Variants in G6PC3 observed in about 807,000 individuals in gnomAD.
The protein encoded by G6PC3 is glucose-6-phosphatase 3.
Under a neutral mutation model 38.6 loss-of-function variants are expected in G6PC3, and 30 were observed. That is an observed-to-expected ratio of 0.78 (90% CI 0.58 to 1.05). G6PC3 has a LOEUF of 1.05. G6PC3 is among the 50% of genes least tolerant of loss of function. The pLI is 0.00. For synonymous variants in G6PC3, 192 were observed against 178.1 expected, an observed-to-expected ratio of 1.08 and a Z score of -0.62; for missense variants, 377 against 443.1, an observed-to-expected ratio of 0.85 and a Z score of 1.34.
Position 44,076,064 on chromosome 17 carries a change from C to T in G6PC3, c.*21C>T, listed in dbSNP as rs1254126959. The T allele has an allele frequency of 1.9e-6, 3 of 1,611,016 alleles. No individual in the cohort carries two copies. Among genetic ancestry groups the T allele is most frequent in the African/African-American group, 1.3e-5 (1 of 75,064 alleles). ...CCTGACTTCTTGTGTGCCTCCCTTT[C>T]CTTTCCCTCCCACAAAGCCAACACT... On this transcript the variant is annotated 3_prime_UTR_variant, in exon 6 of 6. Transcript: ENST00000269097.
At chr17:44,070,678 T>C, upstream of G6PC3, 2 of 449,806 alleles carry the variant, frequency 4.4e-6, no homozygotes, top group South Asian at 2.1e-5. Context: ...CCTGCAACAG[T>C]GGCCACGTGG....
intron 1 of G6PC3, chr17:44,071,422 G>A: frequency 1.5e-6 from 1 of 687,596 alleles, no homozygotes; most frequent in Non-Finnish European, 2.4e-6. Flanking sequence ...TCACCTAAGG[G>A]GCGTGTCTAA....
Position 44,071,273 on chromosome 17 carries a change from C to G in G6PC3, c.218+90C>G, listed in dbSNP as rs1020804767. The G allele has an allele frequency of 5.2e-6, 8 of 1,542,586 alleles. No individual in the cohort carries two copies. In the South Asian group the frequency reaches 8.3e-5, roughly 16 times the overall value. On this transcript the variant is annotated intron_variant, in intron 1 of 5. Coordinates refer to ENST00000269097, the MANE Select transcript of G6PC3 (RefSeq NM_138387.4). The stretch of plus-strand genomic sequence containing the variant: ...CCCTGGTCTCTTTCAGCAACTGTCT[C>G]AAGGGCCTTCCCACCCCTACTCTGT...
Position 44,070,869 on chromosome 17 carries a change from G to C in G6PC3, c.-97G>C. ...GGGGCGGGGCCTGGGGCTCAGAGGG[G>C]TGGGCTTTGGAGATCAGAGGGTCGA... On this transcript the variant is annotated 5_prime_UTR_variant, in exon 1 of 6. Coordinates refer to ENST00000269097, the MANE Select transcript of G6PC3 (RefSeq NM_138387.4). The C allele has an allele frequency of 7.1e-7, 1 of 1,400,428 alleles. No individual in the cohort carries two copies. Among genetic ancestry groups the C allele is most frequent in the Non-Finnish European group, 9.8e-7 (1 of 1,024,894 alleles). 86.8% of individuals were successfully genotyped at this position (1,400,428 alleles called of 1,614,324 possible).
chr17:44,075,588 G>C (rs948457980), intron 5 of G6PC3, 92 bp from the exon 6 acceptor site: 5 of 1,601,918 alleles, frequency 3.1e-6, no homozygotes, highest in East Asian at 4.5e-5. Flanking sequence ...GCACAAAACA[G>C]AACATGGGAG....
In G6PC3 at chr17:44,074,274, G is replaced by A. The variant is rs1332204128; in HGVS notation, c.325+8G>A. 11 of 1,586,816 alleles carry A rather than the reference G, an allele frequency of 6.9e-6. No homozygotes were observed. Among genetic ancestry groups the A allele is most frequent in the Non-Finnish European group, 9.5e-6 (11 of 1,155,170 alleles). ...CTTGTGAGACTGGTCCAGGTGGGAA[G>A]CCTCAAACATTCTCCCTTTCCCAAT... On this transcript the variant is annotated splice_region_variant and intron_variant, in intron 2 of 5. Transcript: ENST00000269097.
At chr17:44,074,109 C>G (rs374812780) in intron 1 of G6PC3, 51 bp from the exon 2 acceptor site, 42 of 1,297,838 alleles carry the variant, frequency 3.2e-5, no homozygotes, top group African/African-American at 1.2e-4. Context: ...CTTGTACCCC[C>G]CCTGGCTGTG....
In G6PC3 at chr17:44,071,194, G is replaced by A; in HGVS notation, c.218+11G>A. 6.2e-7 allele frequency: 1 copy of A among 1,610,928 alleles called. No individual in the cohort carries two copies. Among genetic ancestry groups the A allele is most frequent in the Non-Finnish European group, 8.5e-7 (1 of 1,179,242 alleles). On this transcript the variant is annotated intron_variant, in intron 1 of 5. Coordinates refer to ENST00000269097, the MANE Select transcript of G6PC3 (RefSeq NM_138387.4). ...CCTCATCTTCAAGTGGTGAGACAGA[G>A]AAGCCCTCCGGCATCCTGGTCCCCA...
chr17:44,075,402 A>T lies in G6PC3; in HGVS notation c.628A>T (p.Thr210Ser), dbSNP rs751564919. 5 of 1,614,098 alleles carry T rather than the reference A, an allele frequency of 3.1e-6. No individual in the cohort carries two copies. In the South Asian group the frequency reaches 5.5e-5, roughly 18 times the overall value. The change falls in exon 5 of 6, where the codon ACC becomes TCC. Residue 210 changes from threonine to serine, a missense_variant. Physicochemically the swap from Thr to Ser is moderately conservative, Grantham distance 58. Coordinates refer to ENST00000269097, the MANE Select transcript of G6PC3 (RefSeq NM_138387.4). ...GLTALALMLG[T>S]SLIYWTLFTL... is the part of the protein sequence containing the mutation. ...GACTGCACTGGCCCTCATGCTAGGC[A>T]CCAGCCTCATCTATTGGACCCTCTT...
intron 2 of G6PC3, 41 bp downstream of exon 2, chr17:44,074,307 G>A (rs760471335): frequency 2.1e-6 from 3 of 1,454,718 alleles, no homozygotes; most frequent in Non-Finnish European, 2.9e-6. Flanking sequence ...AATGTGGTTA[G>A]GGTTCGGGTG....
In G6PC3 at chr17:44,070,865, AG is replaced by A; in HGVS notation, c.-97del. Reference sequence around the variant, plus strand: ...TGGCGGGGCGGGGCCTGGGGCTCAGAGGGGTGGGCTTTGGAGATCAGAGGGT... The same window carrying A: ...TGGCGGGGCGGGGCCTGGGGCTCAGAGGGTGGGCTTTGGAGATCAGAGGGT... On this transcript the variant is annotated 5_prime_UTR_variant, in exon 1 of 6. Coordinates refer to ENST00000269097, the MANE Select transcript of G6PC3 (RefSeq NM_138387.4). 7.4e-7 allele frequency: 1 copy of A among 1,356,528 alleles called. No homozygotes were observed. The highest frequency in any genetic ancestry group is 1.0e-6 in the Non-Finnish European group (1 of 986,462). 84.0% of individuals were successfully genotyped at this position (1,356,528 alleles called of 1,614,324 possible).
chr17:44,074,868 G>A, intron 3 of G6PC3, 98 bp downstream of exon 3: 1 of 1,479,128 alleles, frequency 6.8e-7, no homozygotes, highest in Non-Finnish European at 9.5e-7. Context: ...GGAGTTTTGG[G>A]GACCCTAGGT....
chr17:44,071,459 CACTT>C (rs1382516660), intron 1 of G6PC3: 2 of 626,608 alleles, frequency 3.2e-6, no homozygotes. Context: ...CCTCATCTCA[CACTT>C]ACTAATTTAG....
In G6PC3 at chr17:44,070,758, A is replaced by T; in HGVS notation, c.-208A>T. The T allele has an allele frequency of 1.6e-6, 1 of 644,270 alleles. No individual in the cohort carries two copies. Among genetic ancestry groups the T allele is most frequent in the South Asian group, 1.7e-5 (1 of 58,188 alleles). The allele number at this position is 644,270 out of a possible 1,614,324, so 39.9% of individuals were successfully genotyped here. A position where few individuals can be genotyped will look rare whatever the true frequency, so the allele number is the denominator to read the frequency against. Reference sequence around the variant, plus strand: ...CCAGTAGGGAGGAAAACCGGAGGAGAGCGCAGGAGGAAACAGTACCGGCTG... The same window carrying T: ...CCAGTAGGGAGGAAAACCGGAGGAGTGCGCAGGAGGAAACAGTACCGGCTG... On this transcript the variant is annotated 5_prime_UTR_variant, in exon 1 of 6. Transcript: ENST00000269097.
rs1465712763 is a variant in G6PC3 at position 44,070,766 on chromosome 17, A to C, written c.-200A>C. ...GAGGAAAACCGGAGGAGAGCGCAGG[A>C]GGAAACAGTACCGGCTGGAGGCCGG... On this transcript the variant is annotated 5_prime_UTR_variant, in exon 1 of 6. Transcript: ENST00000269097. The C allele has an allele frequency of 6.0e-6, 4 of 663,116 alleles. No homozygotes were observed. Among genetic ancestry groups the C allele is most frequent in the South Asian group, 1.7e-5 (1 of 59,984 alleles). 41.1% of individuals were successfully genotyped at this position (663,116 alleles called of 1,614,324 possible). A position where few individuals can be genotyped will look rare whatever the true frequency, so the allele number is the denominator to read the frequency against.
In G6PC3 at chr17:44,076,118, C is replaced by G; in HGVS notation, c.*75C>G. 1 of 1,586,722 alleles carries G rather than the reference C, an allele frequency of 6.3e-7. No homozygotes were observed. Among genetic ancestry groups the G allele is most frequent in the Non-Finnish European group, 8.6e-7 (1 of 1,166,318 alleles). ...TGACCACCACACTCCAGGAGGCAGCCCCATCCCCTTCCAGCCCCTAAGTAG... is the reference window on the plus strand; with the variant it reads ...TGACCACCACACTCCAGGAGGCAGCGCCATCCCCTTCCAGCCCCTAAGTAG... On this transcript the variant is annotated 3_prime_UTR_variant, in exon 6 of 6. Transcript: ENST00000269097.
chr17:44,071,718 A>G (rs774720571), intron 1 of G6PC3: 74 of 1,063,088 alleles, frequency 7.0e-5, no homozygotes, highest in Non-Finnish European at 8.7e-5. Context: ...GCCCAACGGC[A>G]TAGGCAGCAC....
At chr17:44,074,830 G>A in intron 3 of G6PC3, 60 bp downstream of exon 3, 2 of 1,537,934 alleles carry the variant, frequency 1.3e-6, no homozygotes, top group Non-Finnish European at 1.8e-6. Flanking sequence ...GTACCTAATA[G>A]ACACAGCAGC....
Position 44,075,375 on chromosome 17 carries a change from T to C in G6PC3, c.601T>C (p.Leu201=), listed in dbSNP as rs1367165045. 1.2e-6 allele frequency: 2 copies of C among 1,614,162 alleles called. No individual in the cohort carries two copies. The highest frequency in any genetic ancestry group is 1.7e-6 in the Non-Finnish European group (2 of 1,180,020). The stretch of plus-strand genomic sequence containing the variant: ...GGAGCGGGAGCTAAGCTTCTATGGG[T>C]TGACTGCACTGGCCCTCATGCTAGG... ...PMERELSFYG[L]TALALMLGTS... is the part of the protein sequence containing the mutation. Residue 201 remains leucine (L), a synonymous_variant, in exon 5 of 6, where the codon TTG becomes CTG. Coordinates refer to ENST00000269097, the MANE Select transcript of G6PC3 (RefSeq NM_138387.4).
Sources: allele counts gnomAD v4.1 joint callset, GRCh38; gene constraint gnomAD v4.1.1; transcripts MANE v1.5; gene names NCBI Gene and HGNC (gene_info 2026-07-23, HGNC 2026-07-21).